The following GALNT16 variants were observed in gnomAD, a reference collection of about 807,000 sequenced individuals.
GALNT16 encodes polypeptide N-acetylgalactosaminyltransferase 16.
Under a neutral mutation model 76.1 loss-of-function variants are expected in GALNT16, and 40 were observed. The ratio of observed to expected loss-of-function variants is 0.53; its 90% confidence interval spans 0.41 to 0.68. The LOEUF is 0.68. GALNT16 is among the 30% of genes least tolerant of loss of function. The probability of loss-of-function intolerance (pLI) is 0.00; values close to 1 mark genes in which losing one functional copy is unlikely to be tolerated. For synonymous variants in GALNT16, 276 were observed against 285.2 expected, an observed-to-expected ratio of 0.97 and a Z score of 0.32; for missense variants, 621 against 731.9, an observed-to-expected ratio of 0.85 and a Z score of 1.75.
At chr14:69,281,469 T>C (rs2044540548) in intron 1 of GALNT16, among the ~76,000 whole-genome samples, 2 of 152,122 alleles carry the variant, frequency 1.3e-5, no homozygotes, top group Admixed American at 1.3e-4. Context: ...CACCCCTGGA[T>C]TGGGATGGAG....
At chr14:69,267,127 G>A (rs1020411353) in intron 1 of GALNT16, among the ~76,000 whole-genome samples, 6 of 152,186 alleles carry the variant, frequency 3.9e-5, no homozygotes, top group African/African-American at 1.2e-4. Context: ...TGCCTGGGGC[G>A]GCGCTGGCTG....
At chr14:69,295,437 A>C (rs1357656107) in intron 1 of GALNT16, among the ~76,000 whole-genome samples, 3 of 144,444 alleles carry the variant, frequency 2.1e-5, no homozygotes, top group African/African-American at 5.2e-5. Context: ...AAAAAAAATT[A>C]GGCTGGGCAC....
chr14:69,384,720 GA>G, the GALNT16 span, among the ~76,000 whole-genome samples: 1 of 152,152 alleles, frequency 6.6e-6, no homozygotes, highest in Admixed American at 6.5e-5. Context: ...CAACACAAGT[GA>G]CGTGCATTTA....
chr14:69,343,450 C>A (rs1307857700), intron 12 of GALNT16, among the ~76,000 whole-genome samples: 2 of 152,186 alleles, frequency 1.3e-5, no homozygotes, highest in Non-Finnish European at 2.9e-5. Flanking sequence ...CCAAGAAGTT[C>A]CAGAACAATG....
rs577768686 is a variant in GALNT16 at position 69,261,630 on chromosome 14, G to A, written c.177+1163G>A. On this transcript the variant is annotated intron_variant, in intron 1 of 14. Transcript: ENST00000448469. This position sits in a 1 kb window ranked among gnomAD's most constrained non-coding sequence, Gnocchi z 6.4. The stretch of plus-strand genomic sequence containing the variant: ...CGCGGGGGAGGTGCAAGGTCCGGAG[G>A]GCTGAGGCTTGTGTGGAGCCGAATC... Among the ~76,000 whole-genome samples, 1 of 152,264 alleles carries A rather than the reference G, an allele frequency of 6.6e-6. No homozygotes were observed. Among genetic ancestry groups the A allele is most frequent in the Admixed American group, 6.5e-5 (1 of 15,302 alleles).
At chr14:69,291,601 T>G (rs1483193505) in intron 1 of GALNT16, among the ~76,000 whole-genome samples, 2 of 152,148 alleles carry the variant, frequency 1.3e-5, no homozygotes, top group African/African-American at 2.4e-5. Flanking sequence ...CTCCATGCTG[T>G]GCTCACCGAC....
chr14:69,312,594 G>A (rs138292944), intron 1 of GALNT16, among the ~76,000 whole-genome samples: 68 of 152,318 alleles, frequency 4.5e-4, no homozygotes, highest in African/African-American at 1.4e-3. Context: ...TGAGGGTGTC[G>A]CTGGCTGAGA....
chr14:69,293,665 T>G (rs2044715398), intron 1 of GALNT16, among the ~76,000 whole-genome samples: 2 of 152,222 alleles, frequency 1.3e-5, no homozygotes, highest in Non-Finnish European at 2.9e-5. Flanking sequence ...GGCAAGTCAC[T>G]TAACCTCTCC....
chr14:69,322,922 C>CGGG (rs200098319), intron 2 of GALNT16, among the ~76,000 whole-genome samples: 33 of 115,854 alleles, frequency 2.8e-4, no homozygotes, highest in East Asian at 1.6e-3. Context: ...AGGTGGCTCA[C>CGGG]GGGGTGTGTG....
At position 69,325,334 on chromosome 14, in the gene GALNT16, T is replaced by C. The variant is rs772901906; in HGVS notation, c.435-3T>C. 1 of 1,572,058 alleles carries C rather than the reference T, an allele frequency of 6.4e-7. No homozygotes were observed. The highest frequency in any genetic ancestry group is 1.1e-5 in the South Asian group (1 of 90,260). The stretch of plus-strand genomic sequence containing the variant: ...TCTTTCTCTGTTTCCACTGCTACTG[T>C]AGTGTCCTGAACCGAACTCCTGCCA... On this transcript the variant is annotated splice_polypyrimidine_tract_variant and splice_region_variant and intron_variant, in intron 3 of 14. Coordinates refer to ENST00000448469, the MANE Select transcript of GALNT16 (RefSeq NM_001168368.2).
chr14:69,383,337 T>A, the GALNT16 span, among the ~76,000 whole-genome samples: 1 of 152,152 alleles, frequency 6.6e-6, no homozygotes, highest in East Asian at 1.9e-4. Flanking sequence ...AAGAATTAAT[T>A]TAAAAAAGTC....
chr14:69,336,845 C>T (rs888959056), intron 9 of GALNT16, among the ~76,000 whole-genome samples: 11 of 152,034 alleles, frequency 7.2e-5, no homozygotes, highest in Admixed American at 6.6e-4. Flanking sequence ...CTGCCTCAGC[C>T]TTCCAAATAG....
intron 2 of GALNT16, among the ~76,000 whole-genome samples, chr14:69,321,875 G>A (rs1234860008): frequency 6.6e-6 from 1 of 152,248 alleles, no homozygotes; most frequent in Non-Finnish European, 1.5e-5. Context: ...GCAGCTGTGT[G>A]CTCAAAGCTA....
intron 9 of GALNT16, among the ~76,000 whole-genome samples, chr14:69,337,231 C>T (rs1011176301): frequency 5.3e-5 from 8 of 152,230 alleles, no homozygotes; most frequent in Admixed American, 6.5e-5. Flanking sequence ...TGCACTTCTG[C>T]AACTGAATAT....
In GALNT16 at chr14:69,339,627, C is replaced by T. The variant is rs1319683933; in HGVS notation, c.1187+8C>T. 1.9e-6 allele frequency: 3 copies of T among 1,549,566 alleles called. No homozygotes were observed. The highest frequency in any genetic ancestry group is 2.3e-5 in the South Asian group (2 of 86,838). ...CGGGAAGGCCTTCGGCAGGTGGGCCCCCCCAGCTCCACTGTCTGACTCCCT... is the reference window on the plus strand; with the variant it reads ...CGGGAAGGCCTTCGGCAGGTGGGCCTCCCCAGCTCCACTGTCTGACTCCCT... On this transcript the variant is annotated splice_region_variant and intron_variant, in intron 11 of 14. Coordinates refer to ENST00000448469, the MANE Select transcript of GALNT16 (RefSeq NM_001168368.2).
chr14:69,320,198 A>T (rs1017651525), intron 1 of GALNT16, among the ~76,000 whole-genome samples: 4 of 152,232 alleles, frequency 2.6e-5, no homozygotes, highest in African/African-American at 7.2e-5. Flanking sequence ...GATGCTTTTT[A>T]AAAAGCCTCT....
At chr14:69,307,708 TA>T (rs1169542101) in intron 1 of GALNT16, among the ~76,000 whole-genome samples, 1 of 152,218 alleles carries the variant, frequency 6.6e-6, no homozygotes, top group African/African-American at 2.4e-5. Context: ...CCACCTCAAC[TA>T]AGTTACTAAG....
At chr14:69,342,449 G>C (rs990192113) in intron 12 of GALNT16, among the ~76,000 whole-genome samples, 1 of 125,812 alleles carries the variant, frequency 7.9e-6, no homozygotes, top group East Asian at 2.7e-4. Context: ...AGGGGAGGGA[G>C]GGAGGGAAGG....
At chr14:69,381,434 T>TA in the GALNT16 span, among the ~76,000 whole-genome samples, 2 of 152,220 alleles carry the variant, frequency 1.3e-5, no homozygotes, top group African/African-American at 4.8e-5. Context: ...AGGATTTGCT[T>TA]TTTAAAATAA....
Sources: allele counts gnomAD v4.1 joint callset (sites outside exome capture counted in the v4.1 genomes callset), GRCh38; gene constraint gnomAD v4.1.1; non-coding constraint Gnocchi (gnomAD v3.1); transcripts MANE v1.5; gene names NCBI Gene and HGNC (gene_info 2026-07-23, HGNC 2026-07-21).